The following CEACAM7 variants were observed in gnomAD, a reference collection of about 807,000 sequenced individuals.
CEACAM7 encodes the protein cell adhesion molecule CEACAM7.
Under a neutral mutation model 25.7 loss-of-function variants are expected in CEACAM7, and 24 were observed. That is an observed-to-expected ratio of 0.93 (90% CI 0.68 to 1.31). CEACAM7 has a LOEUF of 1.31. Ranked by LOEUF, CEACAM7 falls within the 40% of genes most tolerant of loss-of-function variation. CEACAM7 has a pLI of 0.00. For missense variants in CEACAM7, 324 were observed against 330.1 expected, an observed-to-expected ratio of 0.98 and a Z score of 0.14; for synonymous variants, 144 against 129.4, an observed-to-expected ratio of 1.11 and a Z score of -0.77.
At position 41,687,103 on chromosome 19, in the gene CEACAM7, A is replaced by C. The variant is rs2072235599; in HGVS notation, c.183T>G (p.Asn61Lys). Residue 61 changes from asparagine (N) to lysine (K), a missense_variant, in exon 2 of 5, where the codon AAT (asparagine) becomes AAG (lysine). By Grantham distance (94) the Asn-to-Lys change is moderately conservative. Transcript: ENST00000401731. ...VLLVVHNESQ[N>K]LYGYNWYKGE... is the part of the protein sequence containing the mutation. ...CTTTGTACCAGTTGTAGCCATAAAG[A>C]TTCTGGGACTCATTATGGACTACTA... is the stretch of plus-strand genomic sequence containing the variant. 6.2e-7 allele frequency: 1 copy of C among 1,613,942 alleles called. No homozygotes were observed. Among genetic ancestry groups the C allele is most frequent in the Non-Finnish European group, 8.5e-7 (1 of 1,180,016 alleles).
At chr19:41,681,195 T>C (rs1182977712) in intron 3 of CEACAM7, among the ~76,000 whole-genome samples, 2 of 152,168 alleles carry the variant, frequency 1.3e-5, no homozygotes, top group South Asian at 4.1e-4. Context: ...TACTTAGAGA[T>C]ATGCAAATCA....
intron 2 of CEACAM7, 105 bp downstream of exon 2, chr19:41,686,754 G>A: frequency 7.8e-7 from 1 of 1,288,186 alleles, no homozygotes; most frequent in Admixed American, 2.4e-5. Flanking sequence ...TCCAACACTG[G>A]ATAAAATGTA....
chr19:41,687,360 G>T, intron 1 of CEACAM7, 139 bp from the exon 2 acceptor site: 1 of 829,976 alleles, frequency 1.2e-6, no homozygotes, highest in Non-Finnish European at 1.9e-6. Context: ...TGTCCTACTG[G>T]ATCAATGTCA....
chr19:41,683,657 A>G, intron 3 of CEACAM7, 128 bp downstream of exon 3: 1 of 1,425,444 alleles, frequency 7.0e-7, no homozygotes, highest in East Asian at 2.3e-5. Flanking sequence ...GCAGAAAGTC[A>G]TGGCCAGCCT....
Position 41,684,071 on chromosome 19 carries a change from G to A in CEACAM7, c.428-8C>T, listed in dbSNP as rs781790659. ...AGGGCTTGGGTGGCTCCGCTGTGCA[G>A]ATAAGAGAGAGAAAAGATTGCCCTG... On this transcript the variant is annotated splice_region_variant and splice_polypyrimidine_tract_variant and intron_variant, in intron 2 of 4. Coordinates refer to ENST00000401731, the MANE Select transcript of CEACAM7 (RefSeq NM_001291485.2). 6.2e-7 allele frequency: 1 copy of A among 1,609,922 alleles called. No homozygotes were observed. Among genetic ancestry groups the A allele is most frequent in the Non-Finnish European group, 8.5e-7 (1 of 1,177,874 alleles).
Position 41,674,462 on chromosome 19 carries a change from C to T in CEACAM7, c.*314G>A, listed in dbSNP as rs782540264. 5.1e-5 allele frequency: 8 copies of T among 157,708 alleles called. No individual in the cohort carries two copies. The highest frequency in any genetic ancestry group is 1.8e-4 in the South Asian group (1 of 5,566). The allele number at this position is 157,708 out of a possible 1,614,324, so 9.8% of individuals were successfully genotyped here. A position where few individuals can be genotyped will look rare whatever the true frequency, so the allele number is the denominator to read the frequency against. On this transcript the variant is annotated 3_prime_UTR_variant, in exon 5 of 5. Transcript: ENST00000401731. Reference sequence around the variant, plus strand: ...GAAAAATGGAGTGGGATAAGAGCCTCGTCACGATGAGGCTTGGGACATCTT... The same window carrying T: ...GAAAAATGGAGTGGGATAAGAGCCTTGTCACGATGAGGCTTGGGACATCTT...
intron 3 of CEACAM7, among the ~76,000 whole-genome samples, chr19:41,679,452 C>T (rs970437053): frequency 1.3e-5 from 2 of 152,052 alleles, no homozygotes; most frequent in South Asian, 2.1e-4. Flanking sequence ...ATCTGAAAAG[C>T]CCAACGCTAA....
intron 4 of CEACAM7, among the ~76,000 whole-genome samples, chr19:41,675,303 G>A (rs548400012): frequency 1.3e-5 from 2 of 152,208 alleles, no homozygotes; most frequent in African/African-American, 4.8e-5. Flanking sequence ...TTCAATTTTT[G>A]TTCACAAGTT....
rs782393003 is a variant in CEACAM7, at chr19:41,687,087, A to G, written c.199T>C (p.Trp67Arg). The change falls in exon 2 of 5, where the codon TGG (tryptophan) becomes CGG (arginine). Residue 67 changes from tryptophan to arginine, a missense_variant. Coordinates refer to ENST00000401731, the MANE Select transcript of CEACAM7 (RefSeq NM_001291485.2). Reference sequence around the variant, plus strand: ...GCATGCACCCTTTCCCCTTTGTACCAGTTGTAGCCATAAAGATTCTGGGAC... The same window carrying G: ...GCATGCACCCTTTCCCCTTTGTACCGGTTGTAGCCATAAAGATTCTGGGAC... ...NESQNLYGYN[W>R]YKGERVHANY... The G allele has an allele frequency of 2.5e-6, 4 of 1,614,108 alleles. No individual in the cohort carries two copies. Among genetic ancestry groups the G allele is most frequent in the Non-Finnish European group, 3.4e-6 (4 of 1,180,010 alleles).
intron 4 of CEACAM7, among the ~76,000 whole-genome samples, chr19:41,676,442 C>G (rs1376913351): frequency 6.6e-6 from 1 of 152,178 alleles, no homozygotes; most frequent in Non-Finnish European, 1.5e-5. Context: ...CTCACTCCAA[C>G]CTTGAACTCT....
At chr19:41,679,801 C>CTCTCTTT (rs35780292) in intron 3 of CEACAM7, among the ~76,000 whole-genome samples, 4 of 111,926 alleles carry the variant, frequency 3.6e-5, no homozygotes, top group African/African-American at 1.4e-4. Flanking sequence ...CTCTCTCTCT[C>CTCTCTTT]TTTTTTTTTT....
chr19:41,685,770 T>C (rs1371253894), intron 2 of CEACAM7, among the ~76,000 whole-genome samples: 4 of 152,128 alleles, frequency 2.6e-5, no homozygotes, highest in South Asian at 2.1e-4. Flanking sequence ...CTGACTCTGA[T>C]AGTTGAGGCA....
At position 41,686,934 on chromosome 19, in the gene CEACAM7, C is replaced by A; in HGVS notation, c.352G>T (p.Ala118Ser). 1 of 1,597,796 alleles carries A rather than the reference C, an allele frequency of 6.3e-7. No homozygotes were observed. Among genetic ancestry groups the A allele is most frequent in the Non-Finnish European group, 8.5e-7 (1 of 1,173,220 alleles). ...ATAACGTGTAGGGTATAGATTCCTG[C>A]GTCATTGTGGGTGACGTTCTGGATC... ...LLIQNVTHND[A>S]GIYTLHVIKE... Residue 118 changes from alanine (A) to serine (S), a missense_variant, in exon 2 of 5, where the codon GCA becomes TCA. Ala to Ser is a moderately conservative substitution (Grantham distance 99, BLOSUM62 1). Coordinates refer to ENST00000401731, the MANE Select transcript of CEACAM7 (RefSeq NM_001291485.2).
At chr19:41,686,637 C>T (rs2072227683) in intron 2 of CEACAM7, among the ~76,000 whole-genome samples, 1 of 152,196 alleles carries the variant, frequency 6.6e-6, no homozygotes, top group African/African-American at 2.4e-5. Context: ...CCCCATCAGA[C>T]TGTCCTTCCT....
In CEACAM7 at chr19:41,687,011, G is replaced by A. The variant is rs782311154; in HGVS notation, c.275C>T (p.Pro92Leu). 4.3e-6 allele frequency: 7 copies of A among 1,613,784 alleles called. No homozygotes were observed. The highest frequency in any genetic ancestry group is 1.7e-5 in the Admixed American group (1 of 59,974). The change falls in exon 2 of 5, where the codon CCA (proline) becomes CTA (leucine). Residue 92 changes from proline to leucine, a missense_variant. Coordinates refer to ENST00000401731, the MANE Select transcript of CEACAM7 (RefSeq NM_001291485.2). ...CTCTCGACCGTTGTGTGCGGGCCCT[G>A]GGGCATTTTCTTGACTTATATTTTT... ...YVKNISQENAPGPAHNGRETI... is the reference protein window; with the variant it reads ...YVKNISQENALGPAHNGRETI...
chr19:41,682,067 C>T (rs1429410156), intron 3 of CEACAM7, among the ~76,000 whole-genome samples: 2 of 152,112 alleles, frequency 1.3e-5, no homozygotes, highest in African/African-American at 4.8e-5. Context: ...CGCCTCAGCC[C>T]ACCAAGTAGT....
At chr19:41,683,212 A>C (rs1174319514) in intron 3 of CEACAM7, among the ~76,000 whole-genome samples, 1 of 152,228 alleles carries the variant, frequency 6.6e-6, no homozygotes, top group Admixed American at 6.5e-5. Flanking sequence ...TAGCAGGTAT[A>C]GGATACACTA....
chr19:41,675,056 C>T (rs1262853383), intron 4 of CEACAM7, among the ~76,000 whole-genome samples: 1 of 152,222 alleles, frequency 6.6e-6, no homozygotes, highest in Admixed American at 6.5e-5. Context: ...CAAACCAAGG[C>T]TGACTTCAGA....
At position 41,686,999 on chromosome 19, in the gene CEACAM7, T is replaced by C. The variant is rs781801243; in HGVS notation, c.287A>G (p.His96Arg). 1.1e-5 allele frequency: 17 copies of C among 1,613,548 alleles called. No individual in the cohort carries two copies. The highest frequency in any genetic ancestry group is 1.4e-5 in the Non-Finnish European group (16 of 1,179,836). The change falls in exon 2 of 5, where the codon CAC becomes CGC. Residue 96 changes from histidine (H) to arginine (R), a missense_variant. By Grantham distance (29) the His-to-Arg change is conservative. Coordinates refer to ENST00000401731, the MANE Select transcript of CEACAM7 (RefSeq NM_001291485.2). Reference protein sequence around the residue: ...ISQENAPGPAHNGRETIYPNG... With the variant: ...ISQENAPGPARNGRETIYPNG... Reference sequence around the variant, plus strand: ...GGGGTATATTGTCTCTCGACCGTTGTGTGCGGGCCCTGGGGCATTTTCTTG... The same window carrying C: ...GGGGTATATTGTCTCTCGACCGTTGCGTGCGGGCCCTGGGGCATTTTCTTG...
Sources: gnomAD v4.1 joint callset for allele counts (sites outside exome capture counted in the v4.1 genomes callset) on GRCh38, gnomAD v4.1.1 for gene constraint, MANE v1.5 for transcripts, NCBI Gene and HGNC (gene_info 2026-07-23, HGNC 2026-07-21) for gene names.